RARB: variants seen among roughly 807,000 people sequenced by gnomAD.
RARB encodes the protein retinoic acid receptor beta, also known as HBV-activated protein.
RARB carries 17 observed loss-of-function variants against 51.9 expected under a neutral mutation model. The ratio of observed to expected loss-of-function variants is 0.33; its 90% confidence interval spans 0.22 to 0.49. RARB has a LOEUF of 0.49. RARB is among the 20% of genes least tolerant of loss of function. RARB has a pLI of 0.99. For missense variants in RARB, 369 were observed against 550.8 expected (o/e 0.67, Z 3.30); for synonymous variants, 215 against 195.4 (o/e 1.10, Z -0.84).
chr3:25,528,395 G>A (rs1698748072), intron 3 of RARB, among the ~76,000 whole-genome samples: 1 of 152,020 alleles, frequency 6.6e-6, no homozygotes, highest in Non-Finnish European at 1.5e-5. Flanking sequence ...CATTTTAGTG[G>A]CACCAAAAAA....
intron 2 of RARB, among the ~76,000 whole-genome samples, chr3:24,864,744 GATC>G (rs1473479471): frequency 1.3e-5 from 2 of 152,064 alleles, no homozygotes; most frequent in Non-Finnish European, 2.9e-5. Flanking sequence ...CTCTAAAAAA[GATC>G]ATGTTGCCTG....
At chr3:25,413,489 T>C (rs1339197258) in intron 5 of RARB, among the ~76,000 whole-genome samples, 1 of 152,190 alleles carries the variant, frequency 6.6e-6, no homozygotes, top group African/African-American at 2.4e-5. Context: ...ATTGGGTGTA[T>C]ACATAGAAAT....
At chr3:25,098,019 A>C (rs1699332121) in intron 3 of RARB, among the ~76,000 whole-genome samples, 1 of 152,188 alleles carries the variant, frequency 6.6e-6, no homozygotes, top group Non-Finnish European at 1.5e-5. Flanking sequence ...CATGTGAATA[A>C]ATACTGTCAA....
chr3:24,967,422 G>C (rs1696300054), intron 2 of RARB, among the ~76,000 whole-genome samples: 1 of 152,234 alleles, frequency 6.6e-6, no homozygotes. Flanking sequence ...TAGCCGTTTT[G>C]TAAATTTGTC....
chr3:25,382,453 G>T (rs867641647), intron 5 of RARB, among the ~76,000 whole-genome samples: 1 of 152,244 alleles, frequency 6.6e-6, no homozygotes, highest in African/African-American at 2.4e-5. Flanking sequence ...TCATCCATGG[G>T]TGTGATATTT....
chr3:24,834,230 T>G (rs1427031261), intron 1 of RARB, among the ~76,000 whole-genome samples: 1 of 152,190 alleles, frequency 6.6e-6, no homozygotes, highest in Admixed American at 6.5e-5. Context: ...TTTGCCAAAT[T>G]TGGAACACAG....
intron 4 of RARB, among the ~76,000 whole-genome samples, chr3:25,169,835 A>G (rs1700613656): frequency 6.6e-6 from 1 of 152,002 alleles, no homozygotes; most frequent in Non-Finnish European, 1.5e-5. Flanking sequence ...AAAAAATACA[A>G]AAATTAGCTG....
intron 2 of RARB, among the ~76,000 whole-genome samples, chr3:24,890,797 C>T (rs1258469455): frequency 6.6e-6 from 1 of 151,962 alleles, no homozygotes; most frequent in Non-Finnish European, 1.5e-5. Flanking sequence ...TGGGTTCTTC[C>T]TACATGCCTC....
intron 2 of RARB, among the ~76,000 whole-genome samples, chr3:24,899,817 C>CT (rs984216919): frequency 7.2e-5 from 11 of 152,186 alleles, no homozygotes. Flanking sequence ...GTGACTTCTG[C>CT]TTTGTACCAA....
rs114401541 is a variant in RARB at position 25,016,566 on chromosome 3, G to A, written c.-379-43559G>A. ...TGGAACATTCACAGATGTCACACTTGTGATTTGCAGTTTAGAAGAAAGTAC... is the reference window on the plus strand; with the variant it reads ...TGGAACATTCACAGATGTCACACTTATGATTTGCAGTTTAGAAGAAAGTAC... On this transcript the variant is annotated intron_variant, in intron 2 of 11. Transcript: ENST00000383772. Among the ~76,000 whole-genome samples, 685 of 152,284 alleles carry A rather than the reference G, an allele frequency of 4.5e-3. 5 individuals are homozygous for A. The highest frequency in any genetic ancestry group is 0.016 in the African/African-American group (663 of 41,564).
At chr3:25,050,774 T>C (rs1698317276) in intron 2 of RARB, among the ~76,000 whole-genome samples, 1 of 152,226 alleles carries the variant, frequency 6.6e-6, no homozygotes, top group African/African-American at 2.4e-5. Flanking sequence ...TATAGTTATA[T>C]CATAATTAAT....
intron 3 of RARB, among the ~76,000 whole-genome samples, chr3:25,523,309 G>A (rs548100445): frequency 6.6e-6 from 1 of 152,148 alleles, no homozygotes; most frequent in Non-Finnish European, 1.5e-5. Context: ...CAAACACAGG[G>A]TGTGATCATT....
At chr3:24,831,399 T>C (rs964495373) in intron 1 of RARB, among the ~76,000 whole-genome samples, 3 of 152,184 alleles carry the variant, frequency 2.0e-5, no homozygotes, top group Non-Finnish European at 4.4e-5. Flanking sequence ...TCCTTCTCAT[T>C]TGCAGACAAA....
chr3:25,306,012 C>G (rs967851000), intron 5 of RARB, among the ~76,000 whole-genome samples: 2 of 152,114 alleles, frequency 1.3e-5, no homozygotes, highest in African/African-American at 4.8e-5. Context: ...TTAAATGGAG[C>G]TGTAAATATT....
intron 2 of RARB, among the ~76,000 whole-genome samples, chr3:25,022,870 G>A (rs566890448): frequency 3.3e-4 from 51 of 152,280 alleles, no homozygotes; most frequent in Admixed American, 1.0e-3. Context: ...AGTCGGAGAT[G>A]AGGACAGATA....
In RARB at chr3:25,383,699, G is replaced by A. The variant is rs183833021; in HGVS notation, c.179-77494G>A. 8.9e-4 allele frequency among the ~76,000 whole-genome samples: 135 copies of A among 152,260 alleles called. 2 individuals are homozygous for A. Among genetic ancestry groups the A allele is most frequent in the Admixed American group, 6.0e-3 (91 of 15,292 alleles). On this transcript the variant is annotated intron_variant, in intron 5 of 11. Transcript: ENST00000383772. ...TCCCAGCACTTTGGGAGGCCGAGGC[G>A]AGCGGATCATCTGAGGTCAGGAGTT...
chr3:25,494,242 C>T (rs918488265), intron 2 of RARB, among the ~76,000 whole-genome samples: 1 of 150,098 alleles, frequency 6.7e-6, no homozygotes, highest in African/African-American at 2.5e-5. Flanking sequence ...CCTTTTCCAG[C>T]TGTATCTTAC....
At position 25,007,339 on chromosome 3, in the gene RARB, C is replaced by CT. The variant is rs573394309; in HGVS notation, c.-379-52785dup. 2.6e-5 allele frequency among the ~76,000 whole-genome samples: 4 copies of CT among 152,122 alleles called. No homozygotes were observed. The East Asian group carries it at 7.7e-4, about 29-fold the overall frequency. ...CTCAATGCTAGCTACCAAAACCACA[C>CT]TCATGGCCGGGTGTAGTGGCTCACG... On this transcript the variant is annotated intron_variant, in intron 2 of 11. Transcript: ENST00000383772.
chr3:24,939,244 G>T (rs1408282202), intron 2 of RARB, among the ~76,000 whole-genome samples: 2 of 152,058 alleles, frequency 1.3e-5, no homozygotes, highest in Non-Finnish European at 2.9e-5. Context: ...TGTTTAATTT[G>T]TTTCCACATT....
Sources: gnomAD v4.1 joint callset for allele counts (sites outside exome capture counted in the v4.1 genomes callset) on GRCh38, gnomAD v4.1.1 for gene constraint, MANE v1.5 for transcripts, NCBI Gene and HGNC (gene_info 2026-07-23, HGNC 2026-07-21) for gene names.